The following CNKSR3 variants were observed in gnomAD, a reference collection of about 807,000 sequenced individuals.
The protein encoded by CNKSR3 is connector enhancer of kinase suppressor of ras 3.
A neutral mutation model predicts 67.7 loss-of-function variants in CNKSR3; 36 were observed. The ratio of observed to expected loss-of-function variants is 0.53; its 90% CI spans 0.41 to 0.70. CNKSR3 has a LOEUF of 0.70. Ranked by LOEUF, CNKSR3 falls within the 30% of genes least tolerant of loss-of-function variation. The pLI, the probability that CNKSR3 is intolerant of heterozygous loss-of-function variation, is 0.00. For synonymous variants in CNKSR3, 281 were observed against 271.4 expected (o/e 1.04, Z -0.35); for missense variants, 630 against 695.2 (o/e 0.91, Z 1.05).
intron 2 of CNKSR3, among the ~76,000 whole-genome samples, chr6:154,449,177 A>AT (rs1039240047): frequency 1.3e-5 from 2 of 152,124 alleles, no homozygotes; most frequent in African/African-American, 4.8e-5. Flanking sequence ...TGAAGGCCAC[A>AT]TTTTTTTCCC....
rs72289825 is a variant in CNKSR3 at position 154,451,865 on chromosome 6, TAGACATTACGCAGCA to T, written c.53-1622_53-1608del. Among the ~76,000 whole-genome samples, 822 of 152,280 alleles carry T rather than the reference TAGACATTACGCAGCA, an allele frequency of 5.4e-3. 6 individuals carry two copies. Among genetic ancestry groups the T allele is most frequent in the African/African-American group, 0.019 (769 of 41,564 alleles). ...AATGACATCTGTCTAGCCCAGGGGC[TAGACATTACGCAGCA>T]AGTGAGGCTGGGGATACTGATATAA... On this transcript the variant is annotated intron_variant, in intron 1 of 12. Coordinates refer to ENST00000607772, the MANE Select transcript of CNKSR3 (RefSeq NM_173515.4).
At chr6:154,432,216 G>C (rs932938511) in intron 5 of CNKSR3, among the ~76,000 whole-genome samples, 1 of 152,078 alleles carries the variant, frequency 6.6e-6, no homozygotes, top group African/African-American at 2.4e-5. Context: ...GGTATATGGC[G>C]GTATCTCATT....
intron 9 of CNKSR3, among the ~76,000 whole-genome samples, chr6:154,421,751 G>A (rs919501280): frequency 1.1e-4 from 16 of 152,172 alleles, no homozygotes; most frequent in Admixed American, 6.5e-4. Flanking sequence ...CTGGTAAAGC[G>A]CTGCTGATGA....
chr6:154,461,155 C>T (rs1165811916), intron 1 of CNKSR3, among the ~76,000 whole-genome samples: 2 of 152,192 alleles, frequency 1.3e-5, no homozygotes, highest in African/African-American at 4.8e-5. Flanking sequence ...ACGGAGGGTG[C>T]TGGCCGGGTT....
At chr6:154,496,193 T>C (rs541116922) in intron 1 of CNKSR3, among the ~76,000 whole-genome samples, 8 of 152,252 alleles carry the variant, frequency 5.3e-5, no homozygotes, top group Admixed American at 4.6e-4. Context: ...AAATCTTGCA[T>C]TCAAAAGACA....
rs1784661078 is a variant in CNKSR3, at chr6:154,396,321, G to C, written c.*10033C>G. ...TTATTCTTCCTACAAATATGATTGA[G>C]TTCTGACACCTGGTATAATGTTTTC... On this transcript the variant is annotated 3_prime_UTR_variant, in exon 13 of 13. Transcript: ENST00000607772. 1 of 152,102 alleles carries C rather than the reference G, an allele frequency of 6.6e-6. No individual in the cohort carries two copies. Among genetic ancestry groups the C allele is most frequent in the Non-Finnish European group, 1.5e-5 (1 of 68,028 alleles). The allele number at this position is 152,102 out of a possible 1,614,324, so 9.4% of individuals were successfully genotyped here. A position where few individuals can be genotyped will look rare whatever the true frequency, so the allele number is the denominator to read the frequency against.
chr6:154,451,141 C>T (rs150924268), intron 1 of CNKSR3, among the ~76,000 whole-genome samples: 48 of 142,480 alleles, frequency 3.4e-4, no homozygotes, highest in African/African-American at 1.1e-3. Flanking sequence ...GGTTCGCTTA[C>T]GGGAATTTTT....
intron 1 of CNKSR3, among the ~76,000 whole-genome samples, chr6:154,454,781 C>T (rs1785916484): frequency 6.6e-6 from 1 of 151,274 alleles, no homozygotes; most frequent in Admixed American, 6.6e-5. Context: ...CTTAGCCTCC[C>T]AAAGTGCTAG....
intron 1 of CNKSR3, among the ~76,000 whole-genome samples, chr6:154,475,790 A>G (rs1357051322): frequency 6.6e-6 from 1 of 152,232 alleles, no homozygotes; most frequent in Admixed American, 6.5e-5. Flanking sequence ...GTAAGTTTCT[A>G]GAAAGAAGTC....
chr6:154,444,605 CT>C (rs775511533), intron 2 of CNKSR3, among the ~76,000 whole-genome samples: 7,221 of 135,766 alleles, frequency 0.053, 130 homozygotes, highest in East Asian at 0.18. Context: ...AGTGGAGAAA[CT>C]TTTTTTTTTT....
rs1001153334 is a variant in CNKSR3 at position 154,395,202 on chromosome 6, C to T, written c.*11152G>A. 5 of 152,134 alleles carry T rather than the reference C, an allele frequency of 3.3e-5. No individual in the cohort carries two copies. Among genetic ancestry groups the T allele is most frequent in the African/African-American group, 1.2e-4 (5 of 41,424 alleles). 9.4% of individuals were successfully genotyped at this position (152,134 alleles called of 1,614,324 possible). A position where few individuals can be genotyped will look rare whatever the true frequency, so the allele number is the denominator to read the frequency against. On this transcript the variant is annotated 3_prime_UTR_variant, in exon 13 of 13. Coordinates refer to ENST00000607772, the MANE Select transcript of CNKSR3 (RefSeq NM_173515.4). The stretch of plus-strand genomic sequence containing the variant: ...GCATGCATCAAGTATTTTCCATTGC[C>T]AAGAAGAGAATTCAATCCCATTTCC...
In CNKSR3 at chr6:154,449,421, C is replaced by A. The variant is rs555088608; in HGVS notation, c.216+674G>T. Among the ~76,000 whole-genome samples the A allele has an allele frequency of 2.0e-5, 3 of 152,308 alleles. No individual in the cohort carries two copies. The East Asian group carries it at 5.8e-4, about 29-fold the overall frequency. The stretch of plus-strand genomic sequence containing the variant: ...CACTGCAGCCTCCACCTCCCAGGCT[C>A]AGGTGATTCTCTGACCTCAGCCTCC... On this transcript the variant is annotated intron_variant, in intron 2 of 12. Coordinates refer to ENST00000607772, the MANE Select transcript of CNKSR3 (RefSeq NM_173515.4).
intron 5 of CNKSR3, 144 bp downstream of exon 5, chr6:154,433,322 C>T: frequency 3.0e-6 from 2 of 667,442 alleles, no homozygotes; most frequent in South Asian, 3.4e-5. Flanking sequence ...GCTTTCTCTT[C>T]CACCTAAATT....
intron 1 of CNKSR3, among the ~76,000 whole-genome samples, chr6:154,459,924 A>G (rs1161443687): frequency 2.0e-5 from 3 of 152,260 alleles, no homozygotes; most frequent in Non-Finnish European, 4.4e-5. Flanking sequence ...GTCCCAGCTG[A>G]AAACTTTAAC....
intron 1 of CNKSR3, among the ~76,000 whole-genome samples, chr6:154,465,138 C>CT (rs1786168449): frequency 2.6e-5 from 2 of 76,632 alleles, no homozygotes; most frequent in Non-Finnish European, 4.4e-5. Context: ...AAGATTCTGT[C>CT]TCAAAAAAAA....
At chr6:154,494,112 G>A (rs1400982757) in intron 1 of CNKSR3, among the ~76,000 whole-genome samples, 1 of 152,120 alleles carries the variant, frequency 6.6e-6, no homozygotes, top group African/African-American at 2.4e-5. Context: ...ACCTGAGACT[G>A]GGCAATTTAT....
intron 4 of CNKSR3, among the ~76,000 whole-genome samples, chr6:154,435,178 T>C (rs1785446788): frequency 6.6e-6 from 1 of 152,008 alleles, no homozygotes; most frequent in Admixed American, 6.6e-5. Flanking sequence ...GTATTCTTTG[T>C]AGAGACGGGG....
In CNKSR3 at chr6:154,388,237, A is replaced by G. The variant is rs1449045439; in HGVS notation, c.*18117T>C. Reference sequence around the variant, plus strand: ...TTCTATGAAGTTGACTATTTTAAATATCCCACATAAATTGAATCCTGCCAT... The same window carrying G: ...TTCTATGAAGTTGACTATTTTAAATGTCCCACATAAATTGAATCCTGCCAT... On this transcript the variant is annotated 3_prime_UTR_variant, in exon 13 of 13. Transcript: ENST00000607772. The G allele has an allele frequency of 6.6e-6, 1 of 152,252 alleles. No homozygotes were observed. Among genetic ancestry groups the G allele is most frequent in the Admixed American group, 6.5e-5 (1 of 15,284 alleles). 9.4% of individuals were successfully genotyped at this position (152,252 alleles called of 1,614,324 possible).
Position 154,500,256 on chromosome 6 carries a change from A to AACACACACACAC in CNKSR3, c.52+9795_52+9806dup, listed in dbSNP as rs5881088. Among the ~76,000 whole-genome samples, 391 of 147,320 alleles carry AACACACACACAC rather than the reference A, an allele frequency of 2.7e-3. 3 individuals are homozygous for AACACACACACAC. Among genetic ancestry groups the AACACACACACAC allele is most frequent in the African/African-American group, 7.6e-3 (304 of 40,052 alleles). ...TAATGCATATGTAAGTAAAATTAGA[A>AACACACACACAC]ACACACACACACACACACACACACA... On this transcript the variant is annotated intron_variant, in intron 1 of 12. Coordinates refer to ENST00000607772, the MANE Select transcript of CNKSR3 (RefSeq NM_173515.4).
Sources: allele counts gnomAD v4.1 joint callset (sites outside exome capture counted in the v4.1 genomes callset), GRCh38; gene constraint gnomAD v4.1.1; transcripts MANE v1.5; gene names NCBI Gene and HGNC (gene_info 2026-07-23, HGNC 2026-07-21).